The following CDH12 variants were observed in gnomAD, a reference collection of about 807,000 sequenced individuals.
CDH12 encodes cadherin 12.
In CDH12, 41 loss-of-function variants were observed where a neutral mutation model predicts 74.1. That is an observed-to-expected ratio of 0.55 (90% CI 0.43 to 0.72). The LOEUF (loss-of-function observed/expected upper bound fraction) is 0.72, where lower values mean the gene tolerates loss of function less well. Ranked by LOEUF, CDH12 falls within the 30% of genes least tolerant of loss-of-function variation. The pLI is 0.00. For synonymous variants in CDH12, 399 were observed against 355.0 expected, an observed-to-expected ratio of 1.12 and a Z score of -1.39; for missense variants, 945 against 977.2, an observed-to-expected ratio of 0.97 and a Z score of 0.44.
intron 2 of CDH12, among the ~76,000 whole-genome samples, chr5:22,470,863 CTTTTTT>C (rs5866567): frequency 2.1e-5 from 3 of 142,646 alleles, no homozygotes; most frequent in African/African-American, 7.7e-5. Flanking sequence ...AACCTTAGCG[CTTTTTT>C]TTTTTTTTCT....
chr5:22,847,629 T>C (rs1336855857), intron 1 of CDH12, among the ~76,000 whole-genome samples: 1 of 152,206 alleles, frequency 6.6e-6, no homozygotes, highest in African/African-American at 2.4e-5. Context: ...TTTTTGATCG[T>C]TTAATTAGCA....
intron 1 of CDH12, among the ~76,000 whole-genome samples, chr5:22,668,369 T>C (rs1012532265): frequency 2.0e-5 from 3 of 152,220 alleles, no homozygotes; most frequent in African/African-American, 7.2e-5. Flanking sequence ...AATTACTTTC[T>C]CTTTTTTTAA....
chr5:22,530,022 T>TA (rs1295824937), intron 1 of CDH12, among the ~76,000 whole-genome samples: 1 of 152,200 alleles, frequency 6.6e-6, no homozygotes, highest in Non-Finnish European at 1.5e-5. Flanking sequence ...ATTCCAGTTT[T>TA]ACATCTACTG....
intron 1 of CDH12, among the ~76,000 whole-genome samples, chr5:22,634,372 G>T (rs1738728596): frequency 6.6e-6 from 1 of 151,920 alleles, no homozygotes; most frequent in Admixed American, 6.6e-5. Flanking sequence ...ACACAAATAG[G>T]TTCAAAGTAA....
chr5:22,277,215 G>A lies in CDH12; in HGVS notation c.-332-64572C>T, dbSNP rs550544802. On this transcript the variant is annotated intron_variant, in intron 3 of 14. Coordinates refer to ENST00000382254, the MANE Select transcript of CDH12 (RefSeq NM_004061.5). ...ACGTCTTGCCAGATAGCTCTGCCAA[G>A]GTTGGCTCTGCTTCCCTATAGCAAC... 2.6e-5 allele frequency among the ~76,000 whole-genome samples: 4 copies of A among 152,300 alleles called. No homozygotes were observed. In the South Asian group the frequency reaches 8.3e-4, roughly 32 times the overall value.
At chr5:22,413,203 TA>T (rs1481860423) in intron 2 of CDH12, among the ~76,000 whole-genome samples, 1 of 151,990 alleles carries the variant, frequency 6.6e-6, no homozygotes, top group African/African-American at 2.4e-5. Context: ...CATCAAAATT[TA>T]AACGATTTTT....
intron 1 of CDH12, among the ~76,000 whole-genome samples, chr5:22,608,228 G>A (rs1380669794): frequency 6.6e-6 from 1 of 152,230 alleles, no homozygotes; most frequent in Non-Finnish European, 1.5e-5. Context: ...GGTTGGAGCT[G>A]CCCAAGGCTG....
chr5:22,391,043 T>A (rs952437250), intron 3 of CDH12, among the ~76,000 whole-genome samples: 1 of 152,178 alleles, frequency 6.6e-6, no homozygotes, highest in Non-Finnish European at 1.5e-5. Context: ...TAGAGTTGTG[T>A]CCTTCTATGG....
chr5:22,645,717 T>C (rs1163563709), intron 1 of CDH12, among the ~76,000 whole-genome samples: 1 of 151,992 alleles, frequency 6.6e-6, no homozygotes, highest in Non-Finnish European at 1.5e-5. Context: ...CCAACTTTAT[T>C]GTTTTCTTAT....
chr5:22,592,873 T>C (rs1020364327), intron 1 of CDH12, among the ~76,000 whole-genome samples: 1 of 151,372 alleles, frequency 6.6e-6, no homozygotes, highest in African/African-American at 2.4e-5. Context: ...CTACTAAAAA[T>C]ACAAAAATTA....
intron 6 of CDH12, among the ~76,000 whole-genome samples, chr5:21,963,054 T>C (rs1337864593): frequency 2.0e-5 from 3 of 152,096 alleles, no homozygotes; most frequent in Non-Finnish European, 2.9e-5. Flanking sequence ...AGCTCTCAGA[T>C]AACAATCACT....
At chr5:22,370,416 A>G (rs1005165225) in intron 3 of CDH12, among the ~76,000 whole-genome samples, 2 of 152,186 alleles carry the variant, frequency 1.3e-5, no homozygotes, top group Non-Finnish European at 2.9e-5. Context: ...AAACAATGGC[A>G]TCTGTCAATT....
intron 6 of CDH12, among the ~76,000 whole-genome samples, chr5:21,938,496 C>A (rs866420745): frequency 0.023 from 3,311 of 144,998 alleles, 141 homozygotes; most frequent in African/African-American, 0.081. Context: ...GGTACATAAC[C>A]AATTCTAGGA....
chr5:22,471,025 T>C (rs1745938276), intron 2 of CDH12, among the ~76,000 whole-genome samples: 1 of 152,164 alleles, frequency 6.6e-6, no homozygotes, highest in Non-Finnish European at 1.5e-5. Context: ...CAGCTAGATT[T>C]CTCTAATCAA....
At chr5:21,835,367 GTA>G (rs111979736) in intron 8 of CDH12, among the ~76,000 whole-genome samples, 9,973 of 148,624 alleles carry the variant, frequency 0.067, 456 homozygotes, top group African/African-American at 0.13. Flanking sequence ...GTATGTGTGT[GTA>G]TATATATATA....
chr5:22,126,070 G>T (rs9968631), intron 4 of CDH12, among the ~76,000 whole-genome samples: 2 of 148,998 alleles, frequency 1.3e-5, no homozygotes, highest in East Asian at 4.0e-4. Flanking sequence ...TTAACTTTTT[G>T]TGTAAAACAT....
chr5:22,662,230 C>G (rs900033779), intron 1 of CDH12, among the ~76,000 whole-genome samples: 3 of 152,084 alleles, frequency 2.0e-5, no homozygotes, highest in Admixed American at 2.0e-4. Context: ...GAAACCTAAA[C>G]CATTATTTTT....
intron 3 of CDH12, among the ~76,000 whole-genome samples, chr5:22,283,231 T>TATATATATATATAG (rs1736981165): frequency 4.2e-5 from 1 of 24,020 alleles, no homozygotes; most frequent in African/African-American, 1.2e-4. Flanking sequence ...TATATATATA[T>TATATATATATATAG]ATATATATAT....
At chr5:22,656,464 G>A (rs959426644) in intron 1 of CDH12, among the ~76,000 whole-genome samples, 1 of 152,138 alleles carries the variant, frequency 6.6e-6, no homozygotes, top group African/African-American at 2.4e-5. Context: ...AGACAAAAAG[G>A]AGATATCACT....
Sources: allele counts gnomAD v4.1 joint callset (sites outside exome capture counted in the v4.1 genomes callset), GRCh38; gene constraint gnomAD v4.1.1; transcripts MANE v1.5; gene names NCBI Gene and HGNC (gene_info 2026-07-23, HGNC 2026-07-21).